Variants in MCTP1 observed in about 807,000 individuals in gnomAD.
The protein encoded by MCTP1 is multiple C2 and transmembrane domain containing 1.
A neutral mutation model predicts 120.6 loss-of-function variants in MCTP1; 69 were observed. That is an observed-to-expected ratio of 0.57 (90% CI 0.47 to 0.70). MCTP1 has a LOEUF of 0.70. MCTP1 is among the 30% of genes least tolerant of loss of function. MCTP1 has a pLI of 0.00. For synonymous variants in MCTP1, 529 were observed against 493.1 expected, an observed-to-expected ratio of 1.07 and a Z score of -0.96; for missense variants, 1,203 against 1,248.8, an observed-to-expected ratio of 0.96 and a Z score of 0.55.
At chr5:94,756,943 C>A (rs1390545795) in intron 19 of MCTP1, among the ~76,000 whole-genome samples, 1 of 151,914 alleles carries the variant, frequency 6.6e-6, no homozygotes, top group African/African-American at 2.4e-5. Context: ...ATAAATAATA[C>A]CTCAAGGTCA....
intron 2 of MCTP1, among the ~76,000 whole-genome samples, chr5:94,953,839 AT>A (rs1821311167): frequency 2.3e-5 from 1 of 44,360 alleles, no homozygotes; most frequent in Non-Finnish European, 4.0e-5. Context: ...ACATATATAT[AT>A]ATACACAACT....
intron 17 of MCTP1, among the ~76,000 whole-genome samples, chr5:94,801,008 G>T (rs1199707784): frequency 2.0e-5 from 3 of 151,914 alleles, no homozygotes; most frequent in Non-Finnish European, 4.4e-5. Context: ...TGATGGTTAT[G>T]ATTATTAAAA....
chr5:94,795,746 T>C (rs1411525520), intron 18 of MCTP1, among the ~76,000 whole-genome samples: 1 of 152,226 alleles, frequency 6.6e-6, no homozygotes, highest in Non-Finnish European at 1.5e-5. Flanking sequence ...CAAGTCCAAC[T>C]AGGAAACAGC....
At chr5:94,763,065 T>TA (rs1001999459) in intron 19 of MCTP1, among the ~76,000 whole-genome samples, 4 of 152,358 alleles carry the variant, frequency 2.6e-5, no homozygotes, top group Non-Finnish European at 4.4e-5. Context: ...ATTAGCTATT[T>TA]AAAAATCTCT....
chr5:95,000,500 T>C (rs1286998780), intron 2 of MCTP1, among the ~76,000 whole-genome samples: 7 of 152,208 alleles, frequency 4.6e-5, no homozygotes, highest in African/African-American at 1.7e-4. Context: ...AAGACACTGC[T>C]ATTGATGATT....
intron 1 of MCTP1, among the ~76,000 whole-genome samples, chr5:95,272,502 T>C (rs1759487803): frequency 1.3e-5 from 2 of 152,206 alleles, no homozygotes; most frequent in South Asian, 4.1e-4. Flanking sequence ...TCATCCAAGT[T>C]ATACAAAGAT....
intron 19 of MCTP1, among the ~76,000 whole-genome samples, chr5:94,770,126 G>A (rs1773724269): frequency 6.6e-6 from 1 of 152,138 alleles, no homozygotes; most frequent in Non-Finnish European, 1.5e-5. Context: ...GGCACCCTGG[G>A]TTCAGATGGA....
chr5:95,265,023 A>G (rs568603174), intron 1 of MCTP1, among the ~76,000 whole-genome samples: 55 of 152,236 alleles, frequency 3.6e-4, no homozygotes, highest in African/African-American at 1.3e-3. Flanking sequence ...TGTATCTTGC[A>G]ATGAAAGGCT....
chr5:94,894,849 T>G lies in MCTP1; in HGVS notation c.1653-14A>C. On this transcript the variant is annotated splice_polypyrimidine_tract_variant and intron_variant, in intron 10 of 22. Transcript: ENST00000515393. ...TCGACCTGGCACCTAGAGACAAATGTTTTGAATCAGCAAGTGGCTTTTTTT... is the reference window on the plus strand; with the variant it reads ...TCGACCTGGCACCTAGAGACAAATGGTTTGAATCAGCAAGTGGCTTTTTTT... 2.0e-6 allele frequency: 3 copies of G among 1,501,786 alleles called. No homozygotes were observed. Among genetic ancestry groups the G allele is most frequent in the Non-Finnish European group, 2.7e-6 (3 of 1,119,700 alleles). The allele number at this position is 1,501,786 out of a possible 1,614,324, so 93.0% of individuals were successfully genotyped here.
At chr5:94,818,767 T>G (rs1785000645) in intron 17 of MCTP1, among the ~76,000 whole-genome samples, 2 of 152,184 alleles carry the variant, frequency 1.3e-5, no homozygotes, top group South Asian at 4.1e-4. Flanking sequence ...TTCTGGCAAG[T>G]GTGAGACTTA....
intron 1 of MCTP1, among the ~76,000 whole-genome samples, chr5:95,252,887 AT>A (rs909462743): frequency 3.9e-5 from 6 of 152,158 alleles, no homozygotes; most frequent in Non-Finnish European, 7.4e-5. Context: ...AATGGAACTG[AT>A]TTAATTCCCA....
intron 19 of MCTP1, among the ~76,000 whole-genome samples, chr5:94,757,812 G>A (rs959841561): frequency 1.1e-4 from 16 of 152,186 alleles, no homozygotes; most frequent in African/African-American, 3.4e-4. Context: ...AGTCTCCAAG[G>A]AAGAACAAAA....
intron 10 of MCTP1, among the ~76,000 whole-genome samples, chr5:94,904,912 G>A (rs1806416437): frequency 6.6e-6 from 1 of 152,186 alleles, no homozygotes; most frequent in African/African-American, 2.4e-5. Context: ...TGCCCTCGTG[G>A]AGCTTACATT....
intron 1 of MCTP1, among the ~76,000 whole-genome samples, chr5:95,210,782 C>T (rs1482663746): frequency 1.3e-5 from 2 of 152,120 alleles, no homozygotes; most frequent in Non-Finnish European, 2.9e-5. Context: ...ATGGTCTCTA[C>T]ATTTTGGCAT....
chr5:95,208,145 A>T (rs1751887071), intron 1 of MCTP1, among the ~76,000 whole-genome samples: 1 of 152,148 alleles, frequency 6.6e-6, no homozygotes. Context: ...GCTGGAGTGC[A>T]ATGGCATGAT....
chr5:94,916,465 C>T (rs1440745818), intron 8 of MCTP1, among the ~76,000 whole-genome samples: 3 of 152,084 alleles, frequency 2.0e-5, no homozygotes, highest in Admixed American at 6.6e-5. Context: ...CAGGGGCCTA[C>T]AGAGAAAGAA....
At chr5:95,283,756 C>T in intron 1 of MCTP1, 100 bp downstream of exon 1, 2 of 940,146 alleles carry the variant, frequency 2.1e-6, no homozygotes, top group South Asian at 3.3e-5. Flanking sequence ...TTTCTCCTCC[C>T]GCCTCCCGGC....
At chr5:95,159,568 A>G (rs1745490991) in intron 1 of MCTP1, among the ~76,000 whole-genome samples, 2 of 152,182 alleles carry the variant, frequency 1.3e-5, no homozygotes, top group African/African-American at 2.4e-5. Context: ...AGACACAACA[A>G]TGGTTCTAAA....
At chr5:95,018,004 C>A (rs1385246019) in intron 1 of MCTP1, among the ~76,000 whole-genome samples, 1 of 152,010 alleles carries the variant, frequency 6.6e-6, no homozygotes, top group Non-Finnish European at 1.5e-5. Context: ...ATAAATTCAC[C>A]TAGCATTTTG....
Sources: gnomAD v4.1 joint callset for allele counts (sites outside exome capture counted in the v4.1 genomes callset) on GRCh38, gnomAD v4.1.1 for gene constraint, MANE v1.5 for transcripts, NCBI Gene and HGNC (gene_info 2026-07-23, HGNC 2026-07-21) for gene names.